Variants in NRG3 observed in about 807,000 individuals in gnomAD.
The protein encoded by NRG3 is neuregulin 3.
NRG3 carries 31 observed loss-of-function variants against 66.9 expected under a neutral mutation model. That is an observed-to-expected ratio of 0.46 (90% CI 0.35 to 0.63). The LOEUF (loss-of-function observed/expected upper bound fraction) is 0.63, where lower values mean the gene tolerates loss of function less well. NRG3 is among the 20% of genes least tolerant of loss of function. The probability of loss-of-function intolerance (pLI) is 0.00; values close to 1 mark genes in which losing one functional copy is unlikely to be tolerated. For missense variants in NRG3, 910 were observed against 878.9 expected (o/e 1.04, Z -0.45); for synonymous variants, 393 against 359.4 (o/e 1.09, Z -1.06).
intron 4 of NRG3, among the ~76,000 whole-genome samples, chr10:82,916,497 G>C (rs372458478): frequency 4.9e-4 from 75 of 152,098 alleles, no homozygotes; most frequent in African/African-American, 1.8e-3. Context: ...TTTCTGTACA[G>C]CAATGTAGCA....
At chr10:82,808,643 A>T (rs2061378504) in intron 3 of NRG3, among the ~76,000 whole-genome samples, 1 of 152,208 alleles carries the variant, frequency 6.6e-6, no homozygotes, top group Non-Finnish European at 1.5e-5. Context: ...TTCTGCAATG[A>T]CAAAACTTTT....
intron 1 of NRG3, among the ~76,000 whole-genome samples, chr10:82,037,972 G>C (rs1367542417): frequency 8.0e-6 from 1 of 124,408 alleles, no homozygotes; most frequent in Non-Finnish European, 1.9e-5. Flanking sequence ...AGTGTGGGGA[G>C]GGGGGAGAGA....
chr10:82,976,510 C>G (rs150040720), intron 7 of NRG3, among the ~76,000 whole-genome samples: 291 of 152,262 alleles, frequency 1.9e-3, no homozygotes, highest in African/African-American at 6.5e-3. Context: ...GCTCCATGCC[C>G]CATGCTTTGC....
chr10:81,884,591 A>G (rs1380615653), intron 1 of NRG3, among the ~76,000 whole-genome samples: 3 of 152,198 alleles, frequency 2.0e-5, no homozygotes, highest in Non-Finnish European at 4.4e-5. Context: ...GTATAGTATA[A>G]CAACTATTTA....
At position 82,669,106 on chromosome 10, in the gene NRG3, G is replaced by A. The variant is rs369444848; in HGVS notation, c.954-69471G>A. Reference sequence around the variant, plus strand: ...TTAGATATTGGTGCAAGTAGAATCAGAGATGTGTATTGTTTGATCCAAATA... The same window carrying A: ...TTAGATATTGGTGCAAGTAGAATCAAAGATGTGTATTGTTTGATCCAAATA... On this transcript the variant is annotated intron_variant, in intron 2 of 8. Coordinates refer to ENST00000372141, the MANE Select transcript of NRG3 (RefSeq NM_001010848.4). Among the ~76,000 whole-genome samples the A allele has an allele frequency of 2.3e-4, 35 of 152,212 alleles. No individual in the cohort carries two copies. The South Asian group carries it at 2.9e-3, about 13-fold the overall frequency.
intron 2 of NRG3, among the ~76,000 whole-genome samples, chr10:82,519,410 G>T (rs770529080): frequency 1.3e-5 from 2 of 152,186 alleles, no homozygotes; most frequent in African/African-American, 2.4e-5. Context: ...ATAGCAGATT[G>T]TTCTGAAAAT....
At chr10:82,121,252 T>C (rs1455040195) in intron 1 of NRG3, among the ~76,000 whole-genome samples, 1 of 152,126 alleles carries the variant, frequency 6.6e-6, no homozygotes. Context: ...CTTCTAACAT[T>C]GGTCCTCAAT....
intron 2 of NRG3, among the ~76,000 whole-genome samples, chr10:82,610,311 G>T (rs939956866): frequency 1.5e-5 from 1 of 65,200 alleles, no homozygotes; most frequent in African/African-American, 1.1e-4. Flanking sequence ...CCCTCTTGCC[G>T]TGTAAAGCAA....
chr10:82,300,762 GAAT>G lies in NRG3; in HGVS notation c.824-57976_824-57974del, dbSNP rs1564767772. Among the ~76,000 whole-genome samples, 3 of 152,006 alleles carry G rather than the reference GAAT, an allele frequency of 2.0e-5. No individual in the cohort carries two copies. In the East Asian group the frequency reaches 5.8e-4, roughly 29 times the overall value. On this transcript the variant is annotated intron_variant, in intron 1 of 8. Transcript: ENST00000372141. The stretch of plus-strand genomic sequence containing the variant: ...CCAGTAGGTAGATTATGAAATGGTT[GAAT>G]TTCACATCAAACCCATTGGAAGGGT...
At chr10:82,223,391 C>G (rs535726077) in intron 1 of NRG3, among the ~76,000 whole-genome samples, 1 of 152,018 alleles carries the variant, frequency 6.6e-6, no homozygotes, top group South Asian at 2.1e-4. Flanking sequence ...TAGTCTGCAC[C>G]CTAGATCTGT....
At chr10:82,496,662 T>A (rs1443674201) in intron 2 of NRG3, among the ~76,000 whole-genome samples, 1 of 152,196 alleles carries the variant, frequency 6.6e-6, no homozygotes, top group East Asian at 1.9e-4. Context: ...TTTTTGCAGA[T>A]GTTTACCTTA....
intron 1 of NRG3, among the ~76,000 whole-genome samples, chr10:82,150,054 TCC>T (rs1356366832): frequency 5.9e-5 from 9 of 152,030 alleles, no homozygotes; most frequent in Non-Finnish European, 1.2e-4. Context: ...CCATCTGGAC[TCC>T]CTGCTGTTCC....
chr10:82,567,133 C>T (rs916174155), intron 2 of NRG3, among the ~76,000 whole-genome samples: 5 of 151,912 alleles, frequency 3.3e-5, no homozygotes, highest in Non-Finnish European at 1.5e-5. Flanking sequence ...CTTAATTCTT[C>T]ATATTGGAAA....
chr10:82,433,456 G>T (rs1048813375), intron 2 of NRG3, among the ~76,000 whole-genome samples: 4 of 152,134 alleles, frequency 2.6e-5, no homozygotes, highest in Non-Finnish European at 5.9e-5. Context: ...CTGTGCAGAA[G>T]CTTTTTAGTT....
intron 4 of NRG3, among the ~76,000 whole-genome samples, chr10:82,873,384 G>A (rs913664352): frequency 6.6e-6 from 1 of 152,070 alleles, no homozygotes; most frequent in Non-Finnish European, 1.5e-5. Flanking sequence ...GATTTTTACA[G>A]TCAGATGTTT....
chr10:82,487,517 A>G (rs1277816706), intron 2 of NRG3, among the ~76,000 whole-genome samples: 2 of 152,066 alleles, frequency 1.3e-5, no homozygotes, highest in African/African-American at 2.4e-5. Flanking sequence ...TAATGAGTGC[A>G]CTCCAGTCTC....
Position 82,914,320 on chromosome 10 carries a change from AT to A in NRG3, c.1055-37140del, listed in dbSNP as rs371089871. On this transcript the variant is annotated intron_variant, in intron 4 of 8. Coordinates refer to ENST00000372141, the MANE Select transcript of NRG3 (RefSeq NM_001010848.4). ...TTCTCCCTTTGTCTCTTCAGATTTAATTTTTTTTTCTTTTTCTTTTTAGCAT... is the reference window on the plus strand; with the variant it reads ...TTCTCCCTTTGTCTCTTCAGATTTAATTTTTTTTCTTTTTCTTTTTAGCAT... Among the ~76,000 whole-genome samples, 1,042 of 151,440 alleles carry A rather than the reference AT, an allele frequency of 6.9e-3. 11 individuals are homozygous for A. The highest frequency in any genetic ancestry group is 0.022 in the African/African-American group (896 of 41,330).
chr10:82,976,291 GGTGATCCGC>G (rs1384207524), intron 7 of NRG3, among the ~76,000 whole-genome samples: 1 of 152,112 alleles, frequency 6.6e-6, no homozygotes, highest in Non-Finnish European at 1.5e-5. Context: ...CCTGACCTCA[GGTGATCCGC>G]CCGCCTCAGC....
chr10:82,348,096 T>G (rs1442044907), intron 1 of NRG3, among the ~76,000 whole-genome samples: 2 of 150,998 alleles, frequency 1.3e-5, no homozygotes, highest in African/African-American at 4.9e-5. Flanking sequence ...ATGTGTGAAT[T>G]TGATCCTGTC....
Sources: allele counts gnomAD v4.1 joint callset (sites outside exome capture counted in the v4.1 genomes callset), GRCh38; gene constraint gnomAD v4.1.1; transcripts MANE v1.5; gene names NCBI Gene and HGNC (gene_info 2026-07-23, HGNC 2026-07-21).